The following PPFIA2 variants were observed in gnomAD, a reference collection of about 807,000 sequenced individuals.
PPFIA2 encodes the protein PPFI scaffold protein A2.
In PPFIA2, 46 loss-of-function variants were observed where a neutral mutation model predicts 175.5. The ratio of observed to expected loss-of-function variants is 0.26; its 90% CI spans 0.21 to 0.34. PPFIA2 has a LOEUF of 0.34. Among genes scored for constraint, PPFIA2 ranks in the 10% least tolerant of loss-of-function variants. PPFIA2 has a pLI of 1.00. For missense variants in PPFIA2, 1,179 were observed against 1,506.1 expected (o/e 0.78, Z 3.60); for synonymous variants, 568 against 511.4 (o/e 1.11, Z -1.49).
rs904452198 is a variant in PPFIA2, at chr12:81,554,241, T to C, written c.304-96375A>G. 4.6e-5 allele frequency among the ~76,000 whole-genome samples: 7 copies of C among 151,954 alleles called. No individual in the cohort carries two copies. In the South Asian group the frequency reaches 1.0e-3, roughly 23 times the overall value. On this transcript the variant is annotated intron_variant, in intron 4 of 32. Coordinates refer to ENST00000549396, the MANE Select transcript of PPFIA2 (RefSeq NM_003625.5). ...GATAAAATTTGTAGGACTTGATCAGTTGTATAGGAGAGATATAATTTTAGG... is the reference window on the plus strand; with the variant it reads ...GATAAAATTTGTAGGACTTGATCAGCTGTATAGGAGAGATATAATTTTAGG...
intron 2 of PPFIA2, among the ~76,000 whole-genome samples, chr12:81,755,739 G>A (rs935080000): frequency 2.6e-5 from 4 of 152,008 alleles, no homozygotes; most frequent in Non-Finnish European, 4.4e-5. Context: ...AGTTTTAAAC[G>A]CTTTGAAGTT....
At chr12:81,428,007 C>T (rs1437857857) in intron 7 of PPFIA2, among the ~76,000 whole-genome samples, 1 of 151,860 alleles carries the variant, frequency 6.6e-6, no homozygotes, top group Non-Finnish European at 1.5e-5. Flanking sequence ...TTGCCTCTCA[C>T]CAAAGTTCAA....
chr12:81,587,351 CTT>C (rs1242543289), intron 4 of PPFIA2, among the ~76,000 whole-genome samples: 2 of 151,970 alleles, frequency 1.3e-5, no homozygotes, highest in Non-Finnish European at 2.9e-5. Context: ...CTTTCTCTCT[CTT>C]GCCTGCCACT....
At chr12:81,515,073 T>G (rs2062246534) in intron 4 of PPFIA2, among the ~76,000 whole-genome samples, 1 of 152,114 alleles carries the variant, frequency 6.6e-6, no homozygotes, top group South Asian at 2.1e-4. Flanking sequence ...CCGTGAATTT[T>G]ATATCACTGG....
At chr12:81,393,132 T>C (rs756325297) in intron 8 of PPFIA2, among the ~76,000 whole-genome samples, 2 of 152,162 alleles carry the variant, frequency 1.3e-5, no homozygotes, top group South Asian at 2.1e-4. Flanking sequence ...AATATTCCCA[T>C]GATAAATGTT....
intron 24 of PPFIA2, among the ~76,000 whole-genome samples, chr12:81,290,325 T>G (rs1281042848): frequency 6.6e-6 from 1 of 151,790 alleles, no homozygotes; most frequent in Non-Finnish European, 1.5e-5. Context: ...GGTTATGACT[T>G]TATGTAGTGG....
At chr12:81,665,386 T>TGATAA (rs2069963330) in intron 4 of PPFIA2, among the ~76,000 whole-genome samples, 1 of 152,076 alleles carries the variant, frequency 6.6e-6, no homozygotes, top group Non-Finnish European at 1.5e-5. Context: ...CCCACATTTG[T>TGATAA]AACACGTAAC....
At chr12:81,662,382 C>T (rs2069084331) in intron 4 of PPFIA2, among the ~76,000 whole-genome samples, 1 of 152,016 alleles carries the variant, frequency 6.6e-6, no homozygotes, top group Admixed American at 6.6e-5. Flanking sequence ...ACCACCAATC[C>T]CACGGAAATA....
At chr12:81,713,775 CA>C (rs2078245410) in intron 3 of PPFIA2, among the ~76,000 whole-genome samples, 1 of 151,174 alleles carries the variant, frequency 6.6e-6, no homozygotes, top group East Asian at 2.0e-4. Context: ...ATTCACTCAT[CA>C]AAAAAATTGA....
At chr12:81,265,748 C>G (rs2136224037) in intron 30 of PPFIA2, among the ~76,000 whole-genome samples, 1 of 152,276 alleles carries the variant, frequency 6.6e-6, no homozygotes, top group African/African-American at 2.4e-5. Context: ...TAGTTCATTA[C>G]TATTAAGAAG....
At chr12:81,510,211 G>A (rs1447424867) in intron 4 of PPFIA2, among the ~76,000 whole-genome samples, 1 of 151,954 alleles carries the variant, frequency 6.6e-6, no homozygotes, top group Non-Finnish European at 1.5e-5. Flanking sequence ...CAAATAAACA[G>A]ATGAGGCAGG....
intron 5 of PPFIA2, among the ~76,000 whole-genome samples, chr12:81,451,178 T>C (rs1239738093): frequency 6.6e-6 from 1 of 152,216 alleles, no homozygotes; most frequent in African/African-American, 2.4e-5. Context: ...AATATATATA[T>C]ATAATGTACA....
intron 4 of PPFIA2, among the ~76,000 whole-genome samples, chr12:81,639,318 T>G (rs193187769): frequency 9.2e-5 from 14 of 151,888 alleles, no homozygotes; most frequent in African/African-American, 3.1e-4. Context: ...CCAAATACCA[T>G]CTGCAAGAAA....
At chr12:81,623,298 GA>G (rs2062285591) in intron 4 of PPFIA2, among the ~76,000 whole-genome samples, 1 of 151,970 alleles carries the variant, frequency 6.6e-6, no homozygotes, top group African/African-American at 2.4e-5. Context: ...CCAAAATAGT[GA>G]AAAGAGAGAT....
intron 8 of PPFIA2, among the ~76,000 whole-genome samples, chr12:81,401,537 A>G (rs2079519213): frequency 1.3e-5 from 2 of 152,144 alleles, no homozygotes; most frequent in South Asian, 4.1e-4. Context: ...TGATACCACA[A>G]TATTTATCAT....
intron 4 of PPFIA2, among the ~76,000 whole-genome samples, chr12:81,534,423 C>A (rs1314948770): frequency 6.6e-6 from 1 of 151,584 alleles, no homozygotes. Flanking sequence ...ATGTTCTATG[C>A]ATGTAACAAA....
At chr12:81,608,300 T>C (rs1247507128) in intron 4 of PPFIA2, among the ~76,000 whole-genome samples, 4 of 152,150 alleles carry the variant, frequency 2.6e-5, no homozygotes, top group African/African-American at 9.7e-5. Flanking sequence ...AGGCTGATTC[T>C]GGCTTCATAG....
intron 26 of PPFIA2, among the ~76,000 whole-genome samples, chr12:81,282,466 A>G (rs1172391040): frequency 6.6e-6 from 1 of 152,136 alleles, no homozygotes; most frequent in Non-Finnish European, 1.5e-5. Flanking sequence ...GTCATCCAAA[A>G]TGTGGAAATG....
chr12:81,619,384 T>G (rs2061772680), intron 4 of PPFIA2, among the ~76,000 whole-genome samples: 1 of 152,208 alleles, frequency 6.6e-6, no homozygotes, highest in Non-Finnish European at 1.5e-5. Context: ...CCATAAGATG[T>G]AAGTATCGTT....
Sources: allele counts gnomAD v4.1 joint callset (sites outside exome capture counted in the v4.1 genomes callset), GRCh38; gene constraint gnomAD v4.1.1; transcripts MANE v1.5; gene names NCBI Gene and HGNC (gene_info 2026-07-23, HGNC 2026-07-21).